PALM2AKAP2: variants seen among roughly 807,000 people sequenced by gnomAD.
PALM2AKAP2 encodes PALM2 and AKAP2 fusion, also known as PALM2-AKAP2 fusion protein.
Under a neutral mutation model 71.5 loss-of-function variants are expected in PALM2AKAP2, and 37 were observed. The observed-to-expected ratio is 0.52, with a 90% CI of 0.40 to 0.68. The LOEUF (loss-of-function observed/expected upper bound fraction) is 0.68, where lower values mean the gene tolerates loss of function less well. Ranked by LOEUF, PALM2AKAP2 falls within the 30% of genes least tolerant of loss-of-function variation. PALM2AKAP2 has a pLI of 0.00. For missense variants in PALM2AKAP2, 1,224 were observed against 1,191.8 expected, an observed-to-expected ratio of 1.03 and a Z score of -0.40; for synonymous variants, 468 against 478.8, an observed-to-expected ratio of 0.98 and a Z score of 0.29.
intron 2 of PALM2AKAP2, among the ~76,000 whole-genome samples, chr9:109,871,157 CA>C (rs1829594060): frequency 6.6e-6 from 1 of 152,098 alleles, no homozygotes; most frequent in African/African-American, 2.4e-5. Context: ...GTAGTTTTGG[CA>C]TTCATATATA....
chr9:110,048,194 T>C (rs953351716), upstream of PALM2AKAP2, among the ~76,000 whole-genome samples: 2 of 152,118 alleles, frequency 1.3e-5, no homozygotes, highest in African/African-American at 4.8e-5. Context: ...CTGAGGACAG[T>C]CGTGGTGCTA....
intron 1 of PALM2AKAP2, among the ~76,000 whole-genome samples, chr9:109,702,150 A>G (rs1828070646): frequency 6.6e-6 from 1 of 152,168 alleles, no homozygotes; most frequent in Admixed American, 6.5e-5. Flanking sequence ...GTGGGACTGT[A>G]AACTAGTTCA....
chr9:109,780,232 C>A, upstream of PALM2AKAP2: 1 of 1,058,764 alleles, frequency 9.4e-7, no homozygotes, highest in Non-Finnish European at 1.1e-6. Flanking sequence ...CCGGCGGCGG[C>A]GGCGACCGGG....
chr9:109,881,969 C>T lies in PALM2AKAP2; in HGVS notation c.257+1288C>T, dbSNP rs141876838. ...CACAATCTTGGCTCACTGCAACCTC[C>T]GCCTCCCGGGTTCAAGCGATTCTCC... On this transcript the variant is annotated intron_variant, in intron 3 of 9. Coordinates refer to the PALM2AKAP2 transcript ENST00000302798. 5.6e-3 allele frequency among the ~76,000 whole-genome samples: 833 copies of T among 147,596 alleles called. 6 individuals are homozygous for T. Among genetic ancestry groups the T allele is most frequent in the African/African-American group, 0.019 (794 of 40,894 alleles).
upstream of PALM2AKAP2, among the ~76,000 whole-genome samples, chr9:109,777,152 T>G (rs1364895635): frequency 6.6e-6 from 1 of 152,226 alleles, no homozygotes; most frequent in Non-Finnish European, 1.5e-5. Flanking sequence ...CAATGACTCT[T>G]TGTTCAATTG....
intron 6 of PALM2AKAP2, among the ~76,000 whole-genome samples, chr9:109,996,423 G>T (rs1832576421): frequency 6.6e-6 from 1 of 152,210 alleles, no homozygotes; most frequent in African/African-American, 2.4e-5. Context: ...AAGTCTCATG[G>T]TTGCTTAAAA....
intron 1 of PALM2AKAP2, among the ~76,000 whole-genome samples, chr9:110,109,657 A>G (rs1446553793): frequency 2.0e-5 from 3 of 152,168 alleles, no homozygotes; most frequent in Admixed American, 6.5e-5. Context: ...GTCACCAGGA[A>G]ACTTCAAGGG....
exon 2 of PALM2AKAP2, chr9:110,137,013 T>A: frequency 6.2e-7 from 1 of 1,614,030 alleles, no homozygotes; most frequent in South Asian, 1.1e-5. Context: ...GAGGAACATC[T>A]GGAGTCGCAC....
chr9:110,068,085 C>CT lies in PALM2AKAP2; in HGVS notation c.156+19231dup, dbSNP rs1166191446. ...GAGTTGTATTTGCTTATGTTCCAAA[C>CT]TCTTTTTTTTTTTTTTTTTGGTAAG... is the stretch of plus-strand genomic sequence containing the variant. On this transcript the variant is annotated intron_variant, in intron 1 of 3. Transcript: ENST00000374525. Among the ~76,000 whole-genome samples, 271 of 93,982 alleles carry CT rather than the reference C, an allele frequency of 2.9e-3. 13 individuals carry two copies. The highest frequency in any genetic ancestry group is 7.9e-3 in the African/African-American group (149 of 18,976). 61.7% of individuals were successfully genotyped at this position (93,982 alleles called of 152,430 possible).
intron 1 of PALM2AKAP2, among the ~76,000 whole-genome samples, chr9:109,841,545 T>G (rs1236051095): frequency 6.7e-4 from 11 of 16,374 alleles, no homozygotes; most frequent in East Asian, 1.5e-3. Context: ...GGTGGAGAGA[T>G]GGAGGGGAGG....
chr9:109,874,917 T>A (rs544376760), intron 2 of PALM2AKAP2, among the ~76,000 whole-genome samples: 21 of 152,358 alleles, frequency 1.4e-4, no homozygotes, highest in African/African-American at 4.8e-4. Flanking sequence ...GTCTCTCTTC[T>A]GTTTCAAGCT....
intron 2 of PALM2AKAP2, among the ~76,000 whole-genome samples, chr9:109,867,797 A>T (rs1334892302): frequency 6.6e-6 from 1 of 152,166 alleles, no homozygotes; most frequent in African/African-American, 2.4e-5. Flanking sequence ...GTGCATGTGG[A>T]CAGGGTGGAG....
At chr9:110,160,380 C>T (rs1180495610) in intron 3 of PALM2AKAP2, among the ~76,000 whole-genome samples, 2 of 152,194 alleles carry the variant, frequency 1.3e-5, no homozygotes, top group South Asian at 2.1e-4. Flanking sequence ...CATTTCTGCT[C>T]AGTCATGCAA....
rs552068928 is a variant in PALM2AKAP2 at position 109,861,423 on chromosome 9, C to T, written c.46-6068C>T. Among the ~76,000 whole-genome samples, 226 of 152,194 alleles carry T rather than the reference C, an allele frequency of 1.5e-3. 1 individual carries two copies. The highest frequency in any genetic ancestry group is 3.4e-3 in the Middle Eastern group (1 of 294). ...ACGGGTGCTCTTTAACAATAGTTTA[C>T]GTGTTATGTTACGAACATGTTATGA... is the stretch of plus-strand genomic sequence containing the variant. On this transcript the variant is annotated intron_variant, in intron 1 of 9. Coordinates refer to the PALM2AKAP2 transcript ENST00000302798.
chr9:110,007,173 G>A (rs1382217380), intron 6 of PALM2AKAP2, among the ~76,000 whole-genome samples: 1 of 152,150 alleles, frequency 6.6e-6, no homozygotes, highest in African/African-American at 2.4e-5. Context: ...TCAGAGAAAA[G>A]CCAGGAGAAT....
chr9:109,999,942 C>CTT (rs200293817), intron 6 of PALM2AKAP2, among the ~76,000 whole-genome samples: 1 of 137,926 alleles, frequency 7.3e-6, no homozygotes, highest in Non-Finnish European at 1.6e-5. Context: ...CTTTTCTTTC[C>CTT]TTTTTTTTTT....
intron 1 of PALM2AKAP2, among the ~76,000 whole-genome samples, chr9:109,763,408 G>A (rs1829092489): frequency 6.6e-6 from 1 of 152,124 alleles, no homozygotes; most frequent in Non-Finnish European, 1.5e-5. Flanking sequence ...GCAACCCTAG[G>A]TCAAATACCT....
intron 6 of PALM2AKAP2, among the ~76,000 whole-genome samples, chr9:109,969,259 T>C (rs967440458): frequency 6.6e-6 from 1 of 152,098 alleles, no homozygotes; most frequent in Non-Finnish European, 1.5e-5. Context: ...CTGGGCCAAA[T>C]AGGACAGACA....
intron 6 of PALM2AKAP2, chr9:109,942,828 G>A (rs1457730291): frequency 6.2e-7 from 1 of 1,614,132 alleles, no homozygotes; most frequent in Admixed American, 1.7e-5. Context: ...TAGTGTATGA[G>A]GTGCGCTCAG....
Sources: allele counts gnomAD v4.1 joint callset (sites outside exome capture counted in the v4.1 genomes callset), GRCh38; gene constraint gnomAD v4.1.1; transcripts MANE v1.5; gene names NCBI Gene and HGNC (gene_info 2026-07-23, HGNC 2026-07-21).